The following IL1RAPL1 variants were observed in gnomAD, a reference collection of about 807,000 sequenced individuals.
IL1RAPL1 encodes the protein interleukin-1 receptor accessory protein-like 1.
Under a neutral mutation model 48.4 loss-of-function variants are expected in IL1RAPL1, and 3 were observed. The observed-to-expected ratio is 0.06, with a 90% CI of 0.03 to 0.16. The LOEUF (loss-of-function observed/expected upper bound fraction) is 0.16, where lower values mean the gene tolerates loss of function less well. Ranked by LOEUF, IL1RAPL1 falls within the 10% of genes least tolerant of loss-of-function variation. The pLI is 1.00. For synonymous variants in IL1RAPL1, 185 were observed against 187.7 expected (o/e 0.99, Z 0.12); for missense variants, 349 against 530.6 (o/e 0.66, Z 3.36).
At chrX:29,049,659 C>T (rs1286472992) in intron 2 of IL1RAPL1, among the ~76,000 whole-genome samples, 1 of 112,446 alleles carries the variant, frequency 8.9e-6, no homozygotes, top group Non-Finnish European at 1.9e-5. Flanking sequence ...ACTTCTGCTA[C>T]TGATAGCTCA....
intron 2 of IL1RAPL1, among the ~76,000 whole-genome samples, chrX:29,154,710 A>G (rs897590316): frequency 8.9e-6 from 1 of 112,068 alleles, no homozygotes; most frequent in African/African-American, 3.2e-5. Flanking sequence ...CGATTTTTCA[A>G]CCAAAGAGAT....
At position 28,908,094 on chromosome X, in the gene IL1RAPL1, GTC is replaced by G. The variant is rs779576091; in HGVS notation, c.82+118676_82+118677del. ...TTTACTTTTGATATTGGTAATTTTT[GTC>G]TCTCTCATTTTTTCTTGGCTAGCAT... On this transcript the variant is annotated intron_variant, in intron 2 of 10. Coordinates refer to ENST00000378993, the MANE Select transcript of IL1RAPL1 (RefSeq NM_014271.4). Among the ~76,000 whole-genome samples the G allele has an allele frequency of 1.9e-4, 21 of 111,065 alleles. No homozygotes were observed. The East Asian group carries it at 5.4e-3, about 29-fold the overall frequency.
intron 5 of IL1RAPL1, among the ~76,000 whole-genome samples, chrX:29,462,217 CTT>C (rs896947244): frequency 1.8e-5 from 2 of 111,334 alleles, no homozygotes; most frequent in African/African-American, 6.5e-5. Flanking sequence ...CAGAAGGAAA[CTT>C]TTTACAGTGA....
intron 5 of IL1RAPL1, among the ~76,000 whole-genome samples, chrX:29,508,028 C>T (rs1296168834): frequency 9.0e-6 from 1 of 111,472 alleles, no homozygotes; most frequent in African/African-American, 3.3e-5. Context: ...CTTTAAGAAA[C>T]ATTTTCCCAC....
At chrX:29,943,804 T>C (rs780496182) in intron 9 of IL1RAPL1, among the ~76,000 whole-genome samples, 105 of 112,300 alleles carry the variant, frequency 9.3e-4, no homozygotes, top group African/African-American at 3.1e-3. Flanking sequence ...CAGTGGAACT[T>C]TCAGTGATTC....
At chrX:29,219,488 G>T (rs1423935045) in intron 2 of IL1RAPL1, among the ~76,000 whole-genome samples, 1 of 111,207 alleles carries the variant, frequency 9.0e-6, no homozygotes, top group Non-Finnish European at 1.9e-5. Context: ...TATGATAATT[G>T]TGCTAAAAGT....
intron 5 of IL1RAPL1, among the ~76,000 whole-genome samples, chrX:29,618,457 G>A (rs774346403): frequency 6.2e-5 from 7 of 112,055 alleles, no homozygotes; most frequent in South Asian, 7.4e-4. Flanking sequence ...TCAGCAGTCC[G>A]AAATCACTTT....
At chrX:28,854,931 A>G (rs1161997109) in intron 2 of IL1RAPL1, among the ~76,000 whole-genome samples, 2 of 112,057 alleles carry the variant, frequency 1.8e-5, no homozygotes, top group Non-Finnish European at 3.8e-5. Context: ...AAATGGTTGT[A>G]TTAAGCAAAT....
chrX:28,805,216 A>T (rs1368949491), intron 2 of IL1RAPL1, among the ~76,000 whole-genome samples: 1 of 111,352 alleles, frequency 9.0e-6, no homozygotes, highest in Non-Finnish European at 1.9e-5. Context: ...TAAAAACTGG[A>T]AGTAATAAAA....
intron 5 of IL1RAPL1, among the ~76,000 whole-genome samples, chrX:29,617,117 C>T (rs865981520): frequency 5.7e-4 from 63 of 111,349 alleles, no homozygotes; most frequent in African/African-American, 1.7e-3. Flanking sequence ...ATTATCATCA[C>T]TCTTTTAATG....
At chrX:29,142,947 G>A (rs907879667) in intron 2 of IL1RAPL1, among the ~76,000 whole-genome samples, 3 of 110,911 alleles carry the variant, frequency 2.7e-5, no homozygotes, top group Non-Finnish European at 5.7e-5. Flanking sequence ...TGCCTGCCTC[G>A]ACCTCCCAAA....
intron 2 of IL1RAPL1, among the ~76,000 whole-genome samples, chrX:28,970,713 C>T (rs1925048893): frequency 9.0e-6 from 1 of 111,677 alleles, no homozygotes; most frequent in African/African-American, 3.2e-5. Context: ...AAAAATTTAT[C>T]CTTTTTAAAA....
At chrX:29,347,331 C>A (rs1933163476) in intron 3 of IL1RAPL1, among the ~76,000 whole-genome samples, 1 of 109,531 alleles carries the variant, frequency 9.1e-6, no homozygotes, top group Admixed American at 9.8e-5. Context: ...TAGAAAATTT[C>A]TTCTTACTGT....
intron 2 of IL1RAPL1, among the ~76,000 whole-genome samples, chrX:29,025,260 A>C (rs1382298878): frequency 8.9e-6 from 1 of 112,230 alleles, no homozygotes; most frequent in African/African-American, 3.2e-5. Flanking sequence ...ATGCTGAATG[A>C]ACGTTAATGT....
chrX:29,950,783 TCTC>T (rs1235804745), intron 9 of IL1RAPL1, among the ~76,000 whole-genome samples: 1 of 108,702 alleles, frequency 9.2e-6, no homozygotes, highest in Non-Finnish European at 1.9e-5. Context: ...TTCACGCCAT[TCTC>T]CTGCCTCAGC....
intron 6 of IL1RAPL1, among the ~76,000 whole-genome samples, chrX:29,853,685 T>C (rs1056169500): frequency 2.7e-5 from 3 of 112,193 alleles, no homozygotes; most frequent in Non-Finnish European, 5.6e-5. Flanking sequence ...AAATCTTTTT[T>C]CAGTAGAATT....
chrX:28,898,274 T>C (rs1922984262), intron 2 of IL1RAPL1, among the ~76,000 whole-genome samples: 1 of 112,210 alleles, frequency 8.9e-6, no homozygotes, highest in African/African-American at 3.2e-5. Flanking sequence ...TAAATTTTGA[T>C]AACCTCTAAT....
At chrX:28,639,905 T>C (rs1021968153) in intron 1 of IL1RAPL1, among the ~76,000 whole-genome samples, 4 of 111,993 alleles carry the variant, frequency 3.6e-5, no homozygotes, top group African/African-American at 1.3e-4. Flanking sequence ...GTGAGACAAC[T>C]CTAGTATCCA....
chrX:28,829,396 G>A (rs957125181), intron 2 of IL1RAPL1, among the ~76,000 whole-genome samples: 2 of 110,660 alleles, frequency 1.8e-5, no homozygotes, highest in African/African-American at 6.6e-5. Context: ...AATGGAAATG[G>A]TGAGTGTGGA....
Sources: gnomAD v4.1 joint callset for allele counts (sites outside exome capture counted in the v4.1 genomes callset) on GRCh38, gnomAD v4.1.1 for gene constraint, MANE v1.5 for transcripts, NCBI Gene and HGNC (gene_info 2026-07-23, HGNC 2026-07-21) for gene names.